The following CFAP44 variants were observed in gnomAD, a reference collection of about 807,000 sequenced individuals.
The protein encoded by CFAP44 is cilia- and flagella-associated protein 44.
CFAP44 carries 134 observed loss-of-function variants against 216.2 expected under a neutral mutation model. The observed-to-expected ratio is 0.62, with a 90% CI of 0.54 to 0.72. CFAP44 has a LOEUF of 0.72. Ranked by LOEUF, CFAP44 falls within the 30% of genes least tolerant of loss-of-function variation. The pLI is 0.00. For synonymous variants in CFAP44, 700 were observed against 727.6 expected (o/e 0.96, Z 0.61); for missense variants, 2,035 against 2,182.1 (o/e 0.93, Z 1.34).
At chr3:113,417,874 T>C (rs1317230609) in intron 5 of CFAP44, among the ~76,000 whole-genome samples, 1 of 152,188 alleles carries the variant, frequency 6.6e-6, no homozygotes, top group Admixed American at 6.5e-5. Flanking sequence ...TCTATCTAGA[T>C]TCCCATTTGT....
Position 113,363,508 on chromosome 3 carries a change from G to T in CFAP44, c.2740C>A (p.Pro914Thr). 1 of 1,610,416 alleles carries T rather than the reference G, an allele frequency of 6.2e-7. No homozygotes were observed. Among genetic ancestry groups the T allele is most frequent in the South Asian group, 1.1e-5 (1 of 89,642 alleles). The change falls in exon 20 of 35, where the codon CCA becomes ACA. Residue 914 changes from proline to threonine, a missense_variant. Physicochemically the swap from Pro to Thr is conservative, Grantham distance 38. This residue lies in a region of CFAP44 where 1,883 missense variants were observed against 2,023.7 expected (regional missense o/e 0.93). Coordinates refer to ENST00000393845, the MANE Select transcript of CFAP44 (RefSeq NM_001164496.2). ...GCTTTGGGATCTTCAATGTCTTCTG[G>T]AATTGGCTCTGTTTCAATTCCAAAC... is the stretch of plus-strand genomic sequence containing the variant. ...PRFGIETEPI[P>T]EDIEDPKAYS...
In CFAP44 at chr3:113,365,937, T is replaced by C. The variant is rs1235281307; in HGVS notation, c.2715+102A>G. On this transcript the variant is annotated intron_variant, in intron 19 of 34. Coordinates refer to ENST00000393845, the MANE Select transcript of CFAP44 (RefSeq NM_001164496.2). ...CAGGAAGATTAGACCATAAGGTGAA[T>C]GTGTCTAAATAACTTTTAATTTATA... 7 of 1,275,852 alleles carry C rather than the reference T, an allele frequency of 5.5e-6. No individual in the cohort carries two copies. The East Asian group carries it at 1.2e-4, about 22-fold the overall frequency. 79.0% of individuals were successfully genotyped at this position (1,275,852 alleles called of 1,614,324 possible).
At chr3:113,396,182 C>A (rs1047691468) in intron 14 of CFAP44, among the ~76,000 whole-genome samples, 1 of 152,054 alleles carries the variant, frequency 6.6e-6, no homozygotes, top group Non-Finnish European at 1.5e-5. Context: ...TATGGCAATT[C>A]TATATAAGAA....
Position 113,347,695 on chromosome 3 carries a change from G to A in CFAP44, c.3066-2983C>T, listed in dbSNP as rs543734910. 2.0e-5 allele frequency among the ~76,000 whole-genome samples: 3 copies of A among 152,282 alleles called. No homozygotes were observed. In the South Asian group the frequency reaches 6.2e-4, roughly 32 times the overall value. On this transcript the variant is annotated intron_variant, in intron 22 of 34. Transcript: ENST00000393845. Reference sequence around the variant, plus strand: ...TAACAAAAGCTATTCCTGAAGCTAGGATGTGGGGAGCTTCAGAAATGATAT... The same window carrying A: ...TAACAAAAGCTATTCCTGAAGCTAGAATGTGGGGAGCTTCAGAAATGATAT...
At chr3:113,325,616 A>G (rs1049650910) in intron 28 of CFAP44, among the ~76,000 whole-genome samples, 3 of 151,996 alleles carry the variant, frequency 2.0e-5, no homozygotes, top group Non-Finnish European at 4.4e-5. Flanking sequence ...GGAAAACTCA[A>G]TGTAGTAAAG....
chr3:113,409,149 C>G lies in CFAP44; in HGVS notation c.847G>C (p.Asp283His). 5.0e-6 allele frequency: 8 copies of G among 1,613,638 alleles called. No homozygotes were observed. Among genetic ancestry groups the G allele is most frequent in the Non-Finnish European group, 6.8e-6 (8 of 1,179,826 alleles). ...GATGTAGTAAGCTGCTCTTCCTTAT[C>G]AGGATTGAAAGTAACCTTAAAAACT... ...QEVFKVTFNPDKEEQLTTSGS... is the reference protein window; with the variant it reads ...QEVFKVTFNPHKEEQLTTSGS... Residue 283 changes from aspartate to histidine, a missense_variant, in exon 7 of 35, where the codon GAT becomes CAT. Transcript: ENST00000393845.
At chr3:113,408,381 T>C (rs1934348440) in intron 7 of CFAP44, among the ~76,000 whole-genome samples, 2 of 152,240 alleles carry the variant, frequency 1.3e-5, no homozygotes, top group South Asian at 2.1e-4. Flanking sequence ...TGAGTGTTCC[T>C]TGTCAGGAAT....
intron 15 of CFAP44, among the ~76,000 whole-genome samples, chr3:113,384,547 T>C (rs1362070282): frequency 6.6e-6 from 1 of 152,162 alleles, no homozygotes; most frequent in African/African-American, 2.4e-5. Flanking sequence ...CTTAATCCAA[T>C]ATGATTGATG....
At chr3:113,327,917 T>G in intron 26 of CFAP44, 98 bp from the exon 27 acceptor site, 1 of 1,047,828 alleles carries the variant, frequency 9.5e-7, no homozygotes, top group Non-Finnish European at 1.4e-6. Context: ...CATTTTTTAT[T>G]ATGCCCTTAT....
chr3:113,371,033 G>A (rs1195124028), intron 18 of CFAP44, among the ~76,000 whole-genome samples: 1 of 152,086 alleles, frequency 6.6e-6, no homozygotes, highest in Non-Finnish European at 1.5e-5. Context: ...GGGATGTGAA[G>A]GACCTCTTCA....
intron 22 of CFAP44, 85 bp downstream of exon 22, chr3:113,358,660 G>A: frequency 2.0e-6 from 3 of 1,463,598 alleles, no homozygotes; most frequent in Non-Finnish European, 2.7e-6. Flanking sequence ...CCTCTTAACT[G>A]GCCACTTCAC....
chr3:113,370,092 C>G (rs1204010269), intron 18 of CFAP44, among the ~76,000 whole-genome samples: 1 of 151,938 alleles, frequency 6.6e-6, no homozygotes, highest in African/African-American at 2.4e-5. Flanking sequence ...TAATTAATAC[C>G]CTACCAACCA....
intron 17 of CFAP44, among the ~76,000 whole-genome samples, chr3:113,374,363 T>TTTTATTTATTTATTTATTTATTTA (rs148186633): frequency 6.8e-6 from 1 of 146,674 alleles, no homozygotes; most frequent in South Asian, 2.2e-4. Flanking sequence ...TGTCAATTTC[T>TTTTATTTATTTATTTATTTATTTA]TTTATTTATT....
chr3:113,363,242 G>A lies in CFAP44; in HGVS notation c.2837C>T (p.Ala946Val), dbSNP rs1176086840. ...AGCTTTGATTTGCTCTCTCTTCCGT[G>A]CCTTTATTTCTCCCACTTCTTTCAT... ...KLMKEVGEIK[A>V]RKREQIKALR... is the part of the protein sequence containing the mutation. Residue 946 changes from alanine (A) to valine (V), a missense_variant, in exon 21 of 35, where the codon GCA (alanine) becomes GTA (valine). Ala to Val is a moderately conservative substitution (Grantham distance 64). Coordinates refer to ENST00000393845, the MANE Select transcript of CFAP44 (RefSeq NM_001164496.2). 1.2e-6 allele frequency: 2 copies of A among 1,612,934 alleles called. No individual in the cohort carries two copies. The highest frequency in any genetic ancestry group is 2.7e-5 in the African/African-American group (2 of 74,840).
At chr3:113,373,376 A>G in intron 18 of CFAP44, 35 bp downstream of exon 18, 1 of 1,486,080 alleles carries the variant, frequency 6.7e-7, no homozygotes, top group Non-Finnish European at 9.0e-7. Context: ...CTAACAGGAT[A>G]TGGTTTTTTT....
At chr3:113,441,080 G>A (rs1440129965) in intron 1 of CFAP44, among the ~76,000 whole-genome samples, 2 of 152,174 alleles carry the variant, frequency 1.3e-5, no homozygotes, top group African/African-American at 4.8e-5. Context: ...AAGTGCAGAG[G>A]GCCCAGCGTG....
chr3:113,358,897 C>A (rs1950514350), intron 21 of CFAP44, 22 bp from the exon 22 acceptor site: 1 of 1,533,650 alleles, frequency 6.5e-7, no homozygotes, highest in Admixed American at 2.0e-5. Flanking sequence ...AAGATCTGTT[C>A]ATCAAAATGG....
rs1315225690 is a variant in CFAP44, at chr3:113,363,179, T to C, written c.2900A>G (p.Glu967Gly). 6.2e-7 allele frequency: 1 copy of C among 1,610,368 alleles called. No individual in the cohort carries two copies. The highest frequency in any genetic ancestry group is 1.3e-5 in the African/African-American group (1 of 74,934). The change falls in exon 21 of 35, where the codon GAA (glutamate) becomes GGA (glycine). Residue 967 changes from glutamate (E) to glycine (G), a missense_variant. Physicochemically the swap from Glu to Gly is moderately conservative, Grantham distance 98. Around this residue, in one of 3 missense-constraint regions of CFAP44, gnomAD observed 1,883 missense variants for 2,023.7 expected, o/e 0.93. Coordinates refer to ENST00000393845, the MANE Select transcript of CFAP44 (RefSeq NM_001164496.2). ...AAACTGCATATGCTTTGGTAATTTT[T>C]CATTCATTTCTAATAGATTACAAAA... ...SEFCNLLEMN[E>G]KLPKHMQFKR...
In CFAP44 at chr3:113,401,145, T is replaced by C. The variant is rs535507498; in HGVS notation, c.1374+95A>G. ...GGCAAGTTTTTTATGAGGACCATGA[T>C]GAAATATGGAGAAAGATAAAGAATA... On this transcript the variant is annotated intron_variant, in intron 11 of 34. Transcript: ENST00000393845. 5.0e-6 allele frequency: 6 copies of C among 1,193,340 alleles called. No individual in the cohort carries two copies. In the Middle Eastern group the frequency reaches 8.0e-4, roughly 159 times the overall value. 73.9% of individuals were successfully genotyped at this position (1,193,340 alleles called of 1,614,324 possible).
Sources: allele counts gnomAD v4.1 joint callset (sites outside exome capture counted in the v4.1 genomes callset), GRCh38; gene constraint gnomAD v4.1.1; regional missense constraint gnomAD v4.1.1; transcripts MANE v1.5; gene names NCBI Gene and HGNC (gene_info 2026-07-23, HGNC 2026-07-21).